The following KIF16B variants were observed in gnomAD, a reference collection of about 807,000 sequenced individuals.
The protein encoded by KIF16B is kinesin-like protein KIF16B.
A neutral mutation model predicts 156.3 loss-of-function variants in KIF16B; 98 were observed. The ratio of observed to expected loss-of-function variants is 0.63; its 90% CI spans 0.53 to 0.74. The LOEUF is 0.74. Ranked by LOEUF, KIF16B falls within the 30% of genes least tolerant of loss-of-function variation. The pLI, the probability that KIF16B is intolerant of heterozygous loss-of-function variation, is 0.00. For synonymous variants in KIF16B, 564 were observed against 583.7 expected (o/e 0.97, Z 0.49); for missense variants, 1,421 against 1,606.5 (o/e 0.88, Z 1.97).
chr20:16,339,620 C>A (rs555101503), intron 23 of KIF16B, among the ~76,000 whole-genome samples: 1 of 152,226 alleles, frequency 6.6e-6, no homozygotes, highest in East Asian at 1.9e-4. Context: ...CTGCACTTAC[C>A]AAAATTAATC....
rs111364760 is a variant in KIF16B at position 16,406,475 on chromosome 20, A to T, written c.1613-19T>A. 6.2e-7 allele frequency: 1 copy of T among 1,609,884 alleles called. No individual in the cohort carries two copies. The highest frequency in any genetic ancestry group is 2.2e-5 in the East Asian group (1 of 44,850). On this transcript the variant is annotated intron_variant, in intron 15 of 25. Coordinates refer to ENST00000354981, the MANE Select transcript of KIF16B (RefSeq NM_024704.5). ...ACAGCACCTGAAAACACACAAAAAC[A>T]GTAATGAATTTACAGTAAGCAGTCT... is the stretch of plus-strand genomic sequence containing the variant.
intron 25 of KIF16B, among the ~76,000 whole-genome samples, chr20:16,278,195 A>G (rs2063093189): frequency 6.6e-6 from 1 of 152,182 alleles, no homozygotes; most frequent in African/African-American, 2.4e-5. Flanking sequence ...AGGGGGCCAC[A>G]GAGAGACAGA....
intron 17 of KIF16B, among the ~76,000 whole-genome samples, chr20:16,384,746 C>T (rs1202077412): frequency 6.6e-6 from 1 of 152,074 alleles, no homozygotes; most frequent in Non-Finnish European, 1.5e-5. Flanking sequence ...TAGGTACTAC[C>T]AAATTCTGGG....
At chr20:16,367,083 T>C in intron 22 of KIF16B, 1 of 1,473,270 alleles carries the variant, frequency 6.8e-7, no homozygotes, top group Non-Finnish European at 9.0e-7. Flanking sequence ...TTGACTGTTT[T>C]CACAATGCTT....
intron 1 of KIF16B, among the ~76,000 whole-genome samples, chr20:16,559,003 T>C (rs769331607): frequency 1.3e-5 from 2 of 151,094 alleles, no homozygotes; most frequent in Non-Finnish European, 2.9e-5. Context: ...GATGAAAATA[T>C]ATTTATTTTT....
Position 16,573,366 on chromosome 20 carries a change from C to T in KIF16B, c.-91G>A. Reference sequence around the variant, plus strand: ...TGGCTACTCAGATCGCGGCTCCCGCCCACTTCCCTCTCGCCCCCGCCCCTC... The same window carrying T: ...TGGCTACTCAGATCGCGGCTCCCGCTCACTTCCCTCTCGCCCCCGCCCCTC... On this transcript the variant is annotated 5_prime_UTR_variant, in exon 1 of 26. Coordinates refer to ENST00000354981, the MANE Select transcript of KIF16B (RefSeq NM_024704.5). The T allele has an allele frequency of 7.2e-7, 1 of 1,389,908 alleles. No homozygotes were observed. Among genetic ancestry groups the T allele is most frequent in the Non-Finnish European group, 1.0e-6 (1 of 1,003,006 alleles). 86.1% of individuals were successfully genotyped at this position (1,389,908 alleles called of 1,614,324 possible).
Position 16,528,404 on chromosome 20 carries a change from C to A in KIF16B, c.84G>T (p.Met28Ile). 6.2e-7 allele frequency: 1 copy of A among 1,613,970 alleles called. No homozygotes were observed. The highest frequency in any genetic ancestry group is 8.5e-7 in the Non-Finnish European group (1 of 1,179,878). Residue 28 changes from methionine (M) to isoleucine (I), a missense_variant, in exon 2 of 26, where the codon ATG becomes ATT. Physicochemically the swap from Met to Ile is conservative, Grantham distance 10 (BLOSUM62 1). Transcript: ENST00000354981. ...TTGTGATTGTCGTTTTGCTTTTCTC[C>A]ATCTGAATAATGAACTTGGCCTCCA... The part of the protein sequence containing the change: ...KDLEAKFIIQ[M>I]EKSKTTITNL...
At chr20:16,469,704 A>G (rs1217293897) in intron 12 of KIF16B, among the ~76,000 whole-genome samples, 3 of 152,230 alleles carry the variant, frequency 2.0e-5, no homozygotes, top group African/African-American at 7.2e-5. Context: ...AGCAACAGGA[A>G]CTCTTGCTCA....
At chr20:16,533,927 C>T (rs561065557) in intron 1 of KIF16B, among the ~76,000 whole-genome samples, 161 of 152,082 alleles carry the variant, frequency 1.1e-3, no homozygotes, top group African/African-American at 3.7e-3. Context: ...CTTCTTTAAG[C>T]ATACAAACTG....
At chr20:16,526,056 A>G in intron 3 of KIF16B, 36 bp downstream of exon 3, 1 of 1,207,900 alleles carries the variant, frequency 8.3e-7, no homozygotes, top group Non-Finnish European at 1.2e-6. Context: ...CAATGTGAAA[A>G]TAAATCAACA....
At chr20:16,320,687 T>C (rs2063760616) in intron 24 of KIF16B, among the ~76,000 whole-genome samples, 1 of 152,140 alleles carries the variant, frequency 6.6e-6, no homozygotes, top group Admixed American at 6.6e-5. Flanking sequence ...CACATCAAGG[T>C]GCATCTTTCA....
chr20:16,511,567 TCA>T (rs767904078), intron 5 of KIF16B, 40 bp from the exon 6 acceptor site: 2 of 1,333,532 alleles, frequency 1.5e-6, no homozygotes, highest in Non-Finnish European at 2.1e-6. Context: ...AAAAATGATT[TCA>T]GACATTAATA....
intron 12 of KIF16B, among the ~76,000 whole-genome samples, chr20:16,465,786 T>G (rs1431802373): frequency 1.3e-5 from 2 of 152,060 alleles, no homozygotes. Context: ...AAAAATTATA[T>G]GTGGAATTCT....
At chr20:16,308,088 A>T (rs1759779364) in intron 25 of KIF16B, among the ~76,000 whole-genome samples, 1 of 152,140 alleles carries the variant, frequency 6.6e-6, no homozygotes, top group African/African-American at 2.4e-5. Flanking sequence ...AAATCTGCAC[A>T]AGAACAATGT....
At chr20:16,493,080 G>T (rs2068344950) in intron 12 of KIF16B, among the ~76,000 whole-genome samples, 1 of 152,152 alleles carries the variant, frequency 6.6e-6, no homozygotes, top group Non-Finnish European at 1.5e-5. Flanking sequence ...AAATACTGCA[G>T]AAGTACCTCA....
At chr20:16,515,713 A>G (rs1600597980) in intron 3 of KIF16B, 49 bp from the exon 4 acceptor site, 14 of 1,017,714 alleles carry the variant, frequency 1.4e-5, no homozygotes, top group Non-Finnish European at 2.0e-5. Context: ...ATAGATTTTA[A>G]TAATAGCCCC....
chr20:16,435,618 T>C (rs1232990817), intron 12 of KIF16B, among the ~76,000 whole-genome samples: 1 of 152,224 alleles, frequency 6.6e-6, no homozygotes, highest in Non-Finnish European at 1.5e-5. Flanking sequence ...TTTTCCATTT[T>C]CTATTTCATT....
At chr20:16,348,589 G>C (rs1393176027) in intron 23 of KIF16B, among the ~76,000 whole-genome samples, 1 of 152,188 alleles carries the variant, frequency 6.6e-6, no homozygotes, top group Non-Finnish European at 1.5e-5. Context: ...TGTTCAGCGA[G>C]AGCAGGAGTC....
At chr20:16,553,308 C>G (rs1328643446) in intron 1 of KIF16B, among the ~76,000 whole-genome samples, 2 of 152,188 alleles carry the variant, frequency 1.3e-5, no homozygotes, top group African/African-American at 4.8e-5. Flanking sequence ...TCCCAAGGAG[C>G]TCTACTCAAT....
Sources: allele counts gnomAD v4.1 joint callset (sites outside exome capture counted in the v4.1 genomes callset), GRCh38; gene constraint gnomAD v4.1.1; transcripts MANE v1.5; gene names NCBI Gene and HGNC (gene_info 2026-07-23, HGNC 2026-07-21).